GLIS3: variants seen among roughly 807,000 people sequenced by gnomAD.
GLIS3 encodes the protein GLIS family zinc finger 3.
A neutral mutation model predicts 78.6 loss-of-function variants in GLIS3; 53 were observed. That is an observed-to-expected ratio of 0.67 (90% confidence interval 0.54 to 0.85). The LOEUF is 0.85. GLIS3 is among the 40% of genes least tolerant of loss of function. The pLI is 0.00. For synonymous variants in GLIS3, 684 were observed against 509.9 expected (o/e 1.34, Z -4.60); for missense variants, 1,703 against 1,231.1 (o/e 1.38, Z -5.74).
intron 8 of GLIS3, among the ~76,000 whole-genome samples, chr9:3,868,358 A>C (rs183323466): frequency 6.8e-6 from 1 of 146,512 alleles, no homozygotes; most frequent in Admixed American, 6.8e-5. Flanking sequence ...TTTGTCTTCA[A>C]AATGGAAGTA....
chr9:4,252,911 G>T (rs976556323), intron 2 of GLIS3, among the ~76,000 whole-genome samples: 1 of 152,186 alleles, frequency 6.6e-6, no homozygotes, highest in Non-Finnish European at 1.5e-5. Context: ...CTCCACTCCA[G>T]ACCCTGTTTG....
intron 4 of GLIS3, among the ~76,000 whole-genome samples, chr9:4,103,455 A>G (rs895042735): frequency 2.6e-5 from 4 of 152,124 alleles, no homozygotes; most frequent in African/African-American, 4.8e-5. Context: ...AGATACCACC[A>G]AATTCACTGA....
intron 9 of GLIS3, among the ~76,000 whole-genome samples, chr9:3,829,845 G>T (rs1329573822): frequency 6.6e-6 from 1 of 152,154 alleles, no homozygotes; most frequent in African/African-American, 2.4e-5. Context: ...GCATTTAAAT[G>T]CATCTTCTTT....
rs534744256 is a variant in GLIS3 at position 3,844,876 on chromosome 9, C to T, written c.2473+11133G>A. On this transcript the variant is annotated intron_variant, in intron 9 of 10. Coordinates refer to ENST00000381971, the MANE Select transcript of GLIS3 (RefSeq NM_001042413.2). Reference sequence around the variant, plus strand: ...AAGCAAGTCACCAATCTTTGCTTTACAAATCGGCAAAATACTAACATTCAG... The same window carrying T: ...AAGCAAGTCACCAATCTTTGCTTTATAAATCGGCAAAATACTAACATTCAG... Among the ~76,000 whole-genome samples the T allele has an allele frequency of 2.0e-5, 3 of 152,292 alleles. No homozygotes were observed. The South Asian group carries it at 6.2e-4, about 32-fold the overall frequency.
chr9:4,416,656 G>C, the GLIS3 span, among the ~76,000 whole-genome samples: 1 of 151,922 alleles, frequency 6.6e-6, no homozygotes, highest in Non-Finnish European at 1.5e-5. Context: ...TGAAGTATTT[G>C]GCTGTTTGGC....
chr9:4,199,407 C>T (rs1429447298), intron 2 of GLIS3, among the ~76,000 whole-genome samples: 2 of 151,550 alleles, frequency 1.3e-5, no homozygotes, highest in Admixed American at 6.6e-5. Context: ...GTATAGGTAA[C>T]TATCCTTATA....
intron 2 of GLIS3, among the ~76,000 whole-genome samples, chr9:4,313,953 T>C (rs1303272212): frequency 6.6e-6 from 1 of 152,176 alleles, no homozygotes; most frequent in East Asian, 1.9e-4. Flanking sequence ...AAAACTGAAG[T>C]CCAGAAAGAG....
At chr9:3,948,675 A>C (rs900531012) in intron 4 of GLIS3, among the ~76,000 whole-genome samples, 1 of 152,218 alleles carries the variant, frequency 6.6e-6, no homozygotes. Context: ...TCATCATCTT[A>C]GTTTAAATTT....
At chr9:4,250,738 T>C (rs191378689) in intron 2 of GLIS3, among the ~76,000 whole-genome samples, 2 of 152,222 alleles carry the variant, frequency 1.3e-5, no homozygotes. Context: ...CACCTTCTTT[T>C]GTGGGCATTT....
intron 4 of GLIS3, among the ~76,000 whole-genome samples, chr9:3,958,467 G>T (rs1817310832): frequency 6.6e-6 from 1 of 152,202 alleles, no homozygotes; most frequent in Non-Finnish European, 1.5e-5. Context: ...TGGGGTTGGA[G>T]TCAGACTGAT....
At chr9:4,385,820 AAG>A in the GLIS3 span, among the ~76,000 whole-genome samples, 1,213 of 41,910 alleles carry the variant, frequency 0.029, 11 homozygotes, top group Non-Finnish European at 0.045. Context: ...AAAAGAAAGA[AAG>A]AGAAAAGAAA....
chr9:3,902,456 G>C (rs750718219), intron 6 of GLIS3, among the ~76,000 whole-genome samples: 1 of 152,130 alleles, frequency 6.6e-6, no homozygotes, highest in Non-Finnish European at 1.5e-5. Context: ...TTTTATATTT[G>C]GAATAAGAAG....
At chr9:3,934,754 C>T (rs1027259131) in intron 5 of GLIS3, among the ~76,000 whole-genome samples, 2 of 152,134 alleles carry the variant, frequency 1.3e-5, no homozygotes, top group Admixed American at 1.3e-4. Flanking sequence ...TGACTACACA[C>T]CCACTGTTCC....
chr9:4,328,513 C>T (rs1340334976), intron 2 of GLIS3, among the ~76,000 whole-genome samples: 1 of 152,202 alleles, frequency 6.6e-6, no homozygotes, highest in Non-Finnish European at 1.5e-5. Context: ...ACCATAATCC[C>T]CTGACAGATC....
At chr9:4,430,324 A>C in the GLIS3 span, among the ~76,000 whole-genome samples, 2 of 152,136 alleles carry the variant, frequency 1.3e-5, no homozygotes, top group Non-Finnish European at 1.5e-5. Context: ...TTTTGTGTGA[A>C]ATCATTCTGA....
At chr9:4,358,856 G>C in the GLIS3 span, among the ~76,000 whole-genome samples, 1 of 152,220 alleles carries the variant, frequency 6.6e-6, no homozygotes, top group Non-Finnish European at 1.5e-5. Flanking sequence ...GTAATGACCA[G>C]AGTCATCTTA....
intron 4 of GLIS3, among the ~76,000 whole-genome samples, chr9:4,040,040 A>C (rs1824668600): frequency 6.6e-6 from 1 of 152,148 alleles, no homozygotes; most frequent in African/African-American, 2.4e-5. Flanking sequence ...AACAGAGGGT[A>C]ACTGAGACCT....
the GLIS3 span, among the ~76,000 whole-genome samples, chr9:4,410,689 C>G: frequency 6.6e-6 from 1 of 152,172 alleles, no homozygotes; most frequent in South Asian, 2.1e-4. Flanking sequence ...TTTTAGTGAT[C>G]AGGGGACGTT....
chr9:4,234,302 T>C (rs1453119360), intron 2 of GLIS3, among the ~76,000 whole-genome samples: 2 of 152,216 alleles, frequency 1.3e-5, no homozygotes, highest in African/African-American at 2.4e-5. Context: ...TAAAGTGAGA[T>C]ATGTGCGACT....
Sources: gnomAD v4.1 joint callset for allele counts (sites outside exome capture counted in the v4.1 genomes callset) on GRCh38, gnomAD v4.1.1 for gene constraint, MANE v1.5 for transcripts, NCBI Gene and HGNC (gene_info 2026-07-23, HGNC 2026-07-21) for gene names.